Variants in CNTNAP2 observed in about 807,000 individuals in gnomAD.
The protein encoded by CNTNAP2 is contactin-associated protein-like 2.
A neutral mutation model predicts 155.2 loss-of-function variants in CNTNAP2; 98 were observed. That is an observed-to-expected ratio of 0.63 (90% CI 0.54 to 0.75). The LOEUF is 0.75. CNTNAP2 is among the 30% of genes least tolerant of loss of function. The pLI, the probability that CNTNAP2 is intolerant of heterozygous loss-of-function variation, is 0.00. For missense variants in CNTNAP2, 1,727 were observed against 1,688.1 expected (o/e 1.02, Z -0.40); for synonymous variants, 651 against 631.2 (o/e 1.03, Z -0.47).
chr7:147,262,262 T>C (rs1431155405), intron 8 of CNTNAP2, among the ~76,000 whole-genome samples: 3 of 152,212 alleles, frequency 2.0e-5, no homozygotes, highest in Admixed American at 2.0e-4. Context: ...AAAGACAGAA[T>C]GCTAAAGCTC....
intron 13 of CNTNAP2, among the ~76,000 whole-genome samples, chr7:147,689,239 T>C (rs1263573204): frequency 6.6e-6 from 1 of 150,616 alleles, no homozygotes; most frequent in African/African-American, 2.4e-5. Context: ...AAGCTCCACC[T>C]CCCTGGTTCA....
At chr7:147,025,339 G>T (rs1584789918) in intron 3 of CNTNAP2, among the ~76,000 whole-genome samples, 2 of 36,374 alleles carry the variant, frequency 5.5e-5, no homozygotes, top group East Asian at 1.1e-3. Context: ...GAGAAGAAAG[G>T]GGGGAGGGGA....
At chr7:146,430,333 C>G (rs1336871104) in intron 1 of CNTNAP2, among the ~76,000 whole-genome samples, 1 of 151,850 alleles carries the variant, frequency 6.6e-6, no homozygotes, top group Non-Finnish European at 1.5e-5. Context: ...AAATCTGTAA[C>G]TTTGTTCAAA....
At chr7:147,359,140 A>G (rs1796108404) in intron 9 of CNTNAP2, among the ~76,000 whole-genome samples, 1 of 152,186 alleles carries the variant, frequency 6.6e-6, no homozygotes, top group African/African-American at 2.4e-5. Flanking sequence ...AGGCATCAAA[A>G]TCACTCAAAA....
intron 15 of CNTNAP2, among the ~76,000 whole-genome samples, chr7:148,032,049 C>T (rs34301140): frequency 7.2e-5 from 11 of 152,130 alleles, no homozygotes; most frequent in Non-Finnish European, 1.5e-4. Context: ...ACTGCAGCCG[C>T]GCGGTGCCCT....
At chr7:148,174,385 G>A (rs1192281208) in intron 18 of CNTNAP2, among the ~76,000 whole-genome samples, 3 of 151,134 alleles carry the variant, frequency 2.0e-5, no homozygotes, top group Admixed American at 6.6e-5. Flanking sequence ...TCACTCTCCA[G>A]GTAGCCTGGT....
intron 11 of CNTNAP2, among the ~76,000 whole-genome samples, chr7:147,490,672 G>C (rs983672037): frequency 5.3e-5 from 8 of 152,186 alleles, no homozygotes; most frequent in Non-Finnish European, 1.2e-4. Flanking sequence ...TGGAGTTTGA[G>C]CATTGCTACA....
intron 13 of CNTNAP2, among the ~76,000 whole-genome samples, chr7:147,702,064 T>G (rs1474609916): frequency 2.7e-5 from 4 of 150,896 alleles, no homozygotes; most frequent in Non-Finnish European, 4.4e-5. Context: ...GGTTTTTTTT[T>G]TTTTTTTTTT....
At chr7:146,679,183 C>T (rs1005746525) in intron 1 of CNTNAP2, among the ~76,000 whole-genome samples, 7 of 151,932 alleles carry the variant, frequency 4.6e-5, no homozygotes, top group Non-Finnish European at 8.8e-5. Flanking sequence ...CTGATAGGCC[C>T]TAGTGTGTAT....
chr7:147,910,310 C>CCA (rs760216697), intron 14 of CNTNAP2, among the ~76,000 whole-genome samples: 6 of 152,088 alleles, frequency 3.9e-5, no homozygotes, highest in Non-Finnish European at 8.8e-5. Context: ...TACATGTCAG[C>CCA]CACTGTTCAT....
At chr7:147,038,547 A>G (rs1333990069) in intron 3 of CNTNAP2, among the ~76,000 whole-genome samples, 1 of 152,124 alleles carries the variant, frequency 6.6e-6, no homozygotes, top group Admixed American at 6.5e-5. Flanking sequence ...ACTCCTTTGT[A>G]ATATCAAAAT....
chr7:147,091,515 G>C (rs549894909), intron 4 of CNTNAP2, among the ~76,000 whole-genome samples: 3 of 152,006 alleles, frequency 2.0e-5, no homozygotes, highest in South Asian at 2.1e-4. Flanking sequence ...GCAGTGGCAC[G>C]ATCTCGGCTC....
intron 8 of CNTNAP2, chr7:147,161,658 A>G (rs959706063): frequency 6.6e-6 from 1 of 152,024 alleles, no homozygotes; most frequent in African/African-American, 2.4e-5. Flanking sequence ...ATCTTCACTG[A>G]AGTATCTGCT....
intron 1 of CNTNAP2, among the ~76,000 whole-genome samples, chr7:146,202,751 TATC>T (rs1394953246): frequency 3.9e-5 from 6 of 152,252 alleles, no homozygotes; most frequent in Non-Finnish European, 8.8e-5. Context: ...TTAATTCTAT[TATC>T]ATATAAAACT....
At chr7:146,578,475 T>C (rs973443528) in intron 1 of CNTNAP2, among the ~76,000 whole-genome samples, 1 of 152,168 alleles carries the variant, frequency 6.6e-6, no homozygotes, top group Admixed American at 6.6e-5. Context: ...TTATATGCTG[T>C]TTATTTTTCA....
At chr7:148,363,950 C>T (rs1007186631) in intron 21 of CNTNAP2, among the ~76,000 whole-genome samples, 7 of 152,258 alleles carry the variant, frequency 4.6e-5, no homozygotes, top group Admixed American at 1.3e-4. Flanking sequence ...ACTTAGCACC[C>T]GGGCCAGTGG....
At chr7:146,618,488 A>G (rs1799264131) in intron 1 of CNTNAP2, among the ~76,000 whole-genome samples, 2 of 152,174 alleles carry the variant, frequency 1.3e-5, no homozygotes, top group Admixed American at 6.5e-5. Context: ...AGAGAGGAAT[A>G]TTGCCATAAT....
chr7:147,289,575 A>G (rs934987699), intron 8 of CNTNAP2, among the ~76,000 whole-genome samples: 7 of 152,194 alleles, frequency 4.6e-5, no homozygotes, highest in Non-Finnish European at 8.8e-5. Context: ...TATTCCTACT[A>G]AAGTTACCTG....
At chr7:146,610,926 G>T (rs1179380016) in intron 1 of CNTNAP2, among the ~76,000 whole-genome samples, 1 of 152,130 alleles carries the variant, frequency 6.6e-6, no homozygotes, top group Non-Finnish European at 1.5e-5. Context: ...TAAGAAGAAA[G>T]TATATGAATG....
Sources: allele counts gnomAD v4.1 joint callset (sites outside exome capture counted in the v4.1 genomes callset), GRCh38; gene constraint gnomAD v4.1.1; transcripts MANE v1.5; gene names NCBI Gene and HGNC (gene_info 2026-07-23, HGNC 2026-07-21).